The following PCDH15 variants were observed in gnomAD, a reference collection of about 807,000 sequenced individuals.
PCDH15 encodes the protein protocadherin-15.
A neutral mutation model predicts 178.5 loss-of-function variants in PCDH15; 129 were observed. That is an observed-to-expected ratio of 0.72 (90% confidence interval 0.63 to 0.84). The LOEUF is 0.84. PCDH15 is among the 40% of genes least tolerant of loss of function. PCDH15 has a pLI of 0.00. For missense variants in PCDH15, 2,230 were observed against 2,099.9 expected, an observed-to-expected ratio of 1.06 and a Z score of -1.21; for synonymous variants, 800 against 732.0, an observed-to-expected ratio of 1.09 and a Z score of -1.50.
intron 15 of PCDH15, among the ~76,000 whole-genome samples, chr10:54,129,529 T>A (rs1023762960): frequency 1.2e-4 from 18 of 152,194 alleles, no homozygotes; most frequent in Non-Finnish European, 2.2e-4. Context: ...TATATATTAT[T>A]TGTTTTAAAT....
At chr10:54,796,234 C>CTATG (rs1237367537) in intron 1 of PCDH15, among the ~76,000 whole-genome samples, 3 of 89,586 alleles carry the variant, frequency 3.3e-5, no homozygotes, top group Admixed American at 1.1e-4. Context: ...ATCTATCTAT[C>CTATG]TATCTATCTA....
At chr10:54,316,169 G>A (rs1185914753) in intron 8 of PCDH15, among the ~76,000 whole-genome samples, 2 of 151,664 alleles carry the variant, frequency 1.3e-5, no homozygotes, top group African/African-American at 4.8e-5. Context: ...TTTTATTCAT[G>A]CAAGTTAACT....
chr10:54,619,042 T>C (rs1437214186), intron 2 of PCDH15: 4 of 152,116 alleles, frequency 2.6e-5, no homozygotes, highest in African/African-American at 7.2e-5. Flanking sequence ...TTTAACAAAA[T>C]GTTCCCTTTT....
chr10:54,552,432 C>G (rs2086719927), intron 2 of PCDH15, among the ~76,000 whole-genome samples: 1 of 152,106 alleles, frequency 6.6e-6, no homozygotes. Context: ...AATGTCAGTT[C>G]TGTCTCCAAA....
chr10:55,464,902 G>GAAAAAAAAAAA (rs71014492), intron 2 of PCDH15, among the ~76,000 whole-genome samples: 1 of 139,912 alleles, frequency 7.1e-6, no homozygotes, highest in Non-Finnish European at 1.6e-5. Context: ...TGCTTAAATT[G>GAAAAAAAAAAA]AAAAAAAAAA....
At chr10:54,658,071 C>A (rs2094437806) in intron 2 of PCDH15, among the ~76,000 whole-genome samples, 1 of 151,748 alleles carries the variant, frequency 6.6e-6, no homozygotes, top group Admixed American at 6.6e-5. Flanking sequence ...TTGAATTAAC[C>A]CTGTCACACA....
intron 2 of PCDH15, among the ~76,000 whole-genome samples, chr10:55,032,293 G>A (rs540119126): frequency 5.8e-4 from 89 of 152,326 alleles, no homozygotes; most frequent in African/African-American, 2.0e-3. Flanking sequence ...AGGACTTTGT[G>A]AAAGGCAGCA....
chr10:53,856,912 C>T (rs1179568444), intron 28 of PCDH15, among the ~76,000 whole-genome samples: 2 of 151,746 alleles, frequency 1.3e-5, no homozygotes, highest in Non-Finnish European at 2.9e-5. Context: ...TACATGCAGA[C>T]ATAAAGAAAG....
intron 2 of PCDH15, among the ~76,000 whole-genome samples, chr10:55,499,645 T>A (rs1384220953): frequency 6.6e-6 from 1 of 151,698 alleles, no homozygotes; most frequent in Non-Finnish European, 1.5e-5. Flanking sequence ...TAAACATACA[T>A]CCCCTAGTAT....
intron 10 of PCDH15, among the ~76,000 whole-genome samples, chr10:54,196,743 TGGTG>T (rs1466092616): frequency 6.6e-6 from 1 of 152,036 alleles, no homozygotes; most frequent in Non-Finnish European, 1.5e-5. Context: ...GGTGATAAGG[TGGTG>T]AGGGCAGAGC....
chr10:55,078,471 A>G (rs1841963760), intron 2 of PCDH15, among the ~76,000 whole-genome samples: 1 of 152,094 alleles, frequency 6.6e-6, no homozygotes, highest in South Asian at 2.1e-4. Context: ...TCACTTTATG[A>G]TGACCCATAT....
At chr10:54,505,320 T>C (rs986866699) in intron 3 of PCDH15, among the ~76,000 whole-genome samples, 27 of 152,256 alleles carry the variant, frequency 1.8e-4, no homozygotes, top group African/African-American at 6.3e-4. Flanking sequence ...AATAACATAC[T>C]TAGGGCAAAA....
intron 2 of PCDH15, among the ~76,000 whole-genome samples, chr10:54,968,441 AT>A (rs56262769): frequency 8.7e-5 from 13 of 149,812 alleles, no homozygotes; most frequent in African/African-American, 3.2e-4. Flanking sequence ...ATAGATTGAC[AT>A]TTTTTTTTTC....
chr10:54,667,922 G>GT (rs1174743938), intron 1 of PCDH15, among the ~76,000 whole-genome samples: 2 of 151,902 alleles, frequency 1.3e-5, no homozygotes, highest in African/African-American at 4.8e-5. Context: ...GGGGAAAAGT[G>GT]TTTTTTTCCT....
chr10:54,121,360 G>T (rs928276015), intron 15 of PCDH15, among the ~76,000 whole-genome samples: 5 of 152,018 alleles, frequency 3.3e-5, no homozygotes, highest in Non-Finnish European at 5.9e-5. Flanking sequence ...TCAAATTAAT[G>T]ATCTAACATT....
intron 10 of PCDH15, among the ~76,000 whole-genome samples, chr10:54,206,839 C>T (rs781295796): frequency 5.3e-5 from 8 of 151,950 alleles, no homozygotes; most frequent in South Asian, 2.1e-4. Flanking sequence ...AACGATTACT[C>T]GGGAACATAT....
At chr10:54,592,414 C>T (rs759012385) in intron 2 of PCDH15, among the ~76,000 whole-genome samples, 2 of 150,862 alleles carry the variant, frequency 1.3e-5, no homozygotes, top group Non-Finnish European at 2.9e-5. Context: ...TAAAAATGAA[C>T]ATATTTAAGG....
intron 4 of PCDH15, among the ~76,000 whole-genome samples, chr10:54,374,030 T>A (rs1302465770): frequency 6.6e-6 from 1 of 152,070 alleles, no homozygotes; most frequent in Non-Finnish European, 1.5e-5. Flanking sequence ...ATCTTGAATC[T>A]AGCAAAACTC....
chr10:53,936,049 T>C (rs2085544709), intron 25 of PCDH15, among the ~76,000 whole-genome samples: 1 of 152,132 alleles, frequency 6.6e-6, no homozygotes, highest in Non-Finnish European at 1.5e-5. Flanking sequence ...TAACTACTTA[T>C]TTCCTGGAAA....
Sources: gnomAD v4.1 joint callset for allele counts (sites outside exome capture counted in the v4.1 genomes callset) on GRCh38, gnomAD v4.1.1 for gene constraint, MANE v1.5 for transcripts, NCBI Gene and HGNC (gene_info 2026-07-23, HGNC 2026-07-21) for gene names.